ACAP2: variants seen among roughly 807,000 people sequenced by gnomAD.
The protein encoded by ACAP2 is arf-GAP with coiled-coil, ANK repeat and PH domain-containing protein 2.
ACAP2 carries 39 observed loss-of-function variants against 115.8 expected under a neutral mutation model. The ratio of observed to expected loss-of-function variants is 0.34; its 90% CI spans 0.26 to 0.44. The LOEUF (loss-of-function observed/expected upper bound fraction) is 0.44, where lower values mean the gene tolerates loss of function less well. ACAP2 is among the 20% of genes least tolerant of loss of function. The probability of loss-of-function intolerance (pLI) is 1.00; values close to 1 mark genes in which losing one functional copy is unlikely to be tolerated. For synonymous variants in ACAP2, 289 were observed against 315.8 expected (o/e 0.92, Z 0.90); for missense variants, 662 against 927.6 (o/e 0.71, Z 3.72).
chr3:195,378,410 C>T (rs1261728163), intron 4 of ACAP2, among the ~76,000 whole-genome samples: 3 of 151,782 alleles, frequency 2.0e-5, no homozygotes, highest in Middle Eastern at 3.2e-3. Flanking sequence ...GAGAATCCCT[C>T]GAACCCAGGA....
chr3:195,317,798 T>C (rs1263918291), intron 10 of ACAP2, among the ~76,000 whole-genome samples: 2 of 152,144 alleles, frequency 1.3e-5, no homozygotes, highest in Admixed American at 6.6e-5. Context: ...TTCCTAAAAC[T>C]CCTGTTTTAT....
intron 1 of ACAP2, among the ~76,000 whole-genome samples, chr3:195,408,809 C>T (rs1713002870): frequency 6.6e-6 from 1 of 152,034 alleles, no homozygotes; most frequent in South Asian, 2.1e-4. Flanking sequence ...GAAGAAAAAA[C>T]AATGTACTAT....
intron 8 of ACAP2, among the ~76,000 whole-genome samples, chr3:195,329,069 G>C (rs1730000453): frequency 7.4e-6 from 1 of 135,890 alleles, no homozygotes; most frequent in African/African-American, 2.7e-5. Flanking sequence ...AACAGAGTGA[G>C]ACTCCGTCTC....
intron 4 of ACAP2, among the ~76,000 whole-genome samples, chr3:195,348,287 T>A (rs1415602261): frequency 6.6e-6 from 1 of 151,422 alleles, no homozygotes; most frequent in Non-Finnish European, 1.5e-5. Flanking sequence ...ATGGCACACA[T>A]ACCTTAAAAA....
chr3:195,412,042 G>A (rs114147351), intron 1 of ACAP2, among the ~76,000 whole-genome samples: 1,523 of 151,118 alleles, frequency 0.01, 11 homozygotes, highest in Non-Finnish European at 0.016. Context: ...TAAGAATTGG[G>A]GGCTGGGTGC....
intron 1 of ACAP2, chr3:195,442,336 T>TA (rs1427645151): frequency 6.0e-6 from 1 of 166,942 alleles, no homozygotes; most frequent in Non-Finnish European, 1.3e-5. Flanking sequence ...AAAGAGGAAC[T>TA]AAATGAACTG....
At chr3:195,362,816 T>C (rs1299465515) in intron 4 of ACAP2, among the ~76,000 whole-genome samples, 1 of 152,104 alleles carries the variant, frequency 6.6e-6, no homozygotes, top group Non-Finnish European at 1.5e-5. Context: ...CTCAACATAA[T>C]AAAGCCCATA....
chr3:195,401,893 G>A (rs899478840), intron 1 of ACAP2, among the ~76,000 whole-genome samples: 1 of 152,086 alleles, frequency 6.6e-6, no homozygotes, highest in South Asian at 2.1e-4. Flanking sequence ...TCTGTAAAGA[G>A]GAAGCTGAAT....
At chr3:195,289,804 A>G (rs1382186233) in intron 20 of ACAP2, among the ~76,000 whole-genome samples, 207 of 9,154 alleles carry the variant, frequency 0.023, no homozygotes, top group African/African-American at 0.038. Flanking sequence ...ACTCCGTCTC[A>G]AAAAAAAAAA....
intron 1 of ACAP2, among the ~76,000 whole-genome samples, chr3:195,436,934 C>T (rs1715587512): frequency 6.6e-6 from 1 of 152,052 alleles, no homozygotes; most frequent in African/African-American, 2.4e-5. Flanking sequence ...TATAAAATGA[C>T]AGAAAAATAT....
intron 17 of ACAP2, chr3:195,295,284 G>C: frequency 7.7e-7 from 1 of 1,292,018 alleles, no homozygotes; most frequent in Non-Finnish European, 1.0e-6. Flanking sequence ...TGGCCTCGTC[G>C]CTATTTACAG....
chr3:195,338,170 CT>C lies in ACAP2; in HGVS notation c.529-1195del, dbSNP rs776902106. Reference sequence around the variant, plus strand: ...AACATTTATAACTACCTTATATTTTCTGATTTGTGTCTTCTCCCTAACCGAA... The same window carrying C: ...AACATTTATAACTACCTTATATTTTCGATTTGTGTCTTCTCCCTAACCGAA... On this transcript the variant is annotated intron_variant, in intron 6 of 22. Coordinates refer to ENST00000326793, the MANE Select transcript of ACAP2 (RefSeq NM_012287.6). 2.6e-5 allele frequency among the ~76,000 whole-genome samples: 4 copies of C among 152,200 alleles called. No homozygotes were observed. In the South Asian group the frequency reaches 6.2e-4, roughly 24 times the overall value.
intron 4 of ACAP2, among the ~76,000 whole-genome samples, chr3:195,369,112 G>A (rs1327426995): frequency 6.6e-5 from 10 of 151,150 alleles, no homozygotes; most frequent in Admixed American, 6.6e-4. Flanking sequence ...AAAAAAAGAG[G>A]AAGAAATTAA....
At chr3:195,420,741 C>T (rs903443918) in intron 1 of ACAP2, among the ~76,000 whole-genome samples, 3 of 152,044 alleles carry the variant, frequency 2.0e-5, no homozygotes, top group African/African-American at 7.2e-5. Flanking sequence ...CTCCCAGGTT[C>T]AAGTGATTCT....
intron 4 of ACAP2, among the ~76,000 whole-genome samples, chr3:195,349,216 T>A (rs1255457031): frequency 6.6e-6 from 1 of 151,814 alleles, no homozygotes; most frequent in African/African-American, 2.4e-5. Context: ...GCGCTGTGGC[T>A]CACGCCTGTA....
At chr3:195,395,701 C>G (rs1048468920) in intron 1 of ACAP2, among the ~76,000 whole-genome samples, 2 of 152,082 alleles carry the variant, frequency 1.3e-5, no homozygotes, top group African/African-American at 2.4e-5. Flanking sequence ...CTATCTGGCC[C>G]TTTACAGAAA....
At chr3:195,302,531 T>C (rs1385580572) in intron 13 of ACAP2, among the ~76,000 whole-genome samples, 1 of 152,112 alleles carries the variant, frequency 6.6e-6, no homozygotes, top group Non-Finnish European at 1.5e-5. Context: ...ATAAATATTA[T>C]TGTTTTATAC....
In ACAP2 at chr3:195,292,472, A is replaced by C. The variant is rs773135769; in HGVS notation, c.1766-20T>G. 48 of 1,565,976 alleles carry C rather than the reference A, an allele frequency of 3.1e-5. No individual in the cohort carries two copies. The highest frequency in any genetic ancestry group is 3.9e-5 in the Non-Finnish European group (45 of 1,162,308). ...CTCCTTCTGAAAAGCAAACACATAC[A>C]CATCAATAAAAATGAGCTCTTGGCA... On this transcript the variant is annotated intron_variant, in intron 18 of 22. Transcript: ENST00000326793.
intron 1 of ACAP2, among the ~76,000 whole-genome samples, chr3:195,403,963 A>T (rs1712529891): frequency 6.6e-6 from 1 of 152,210 alleles, no homozygotes; most frequent in South Asian, 2.1e-4. Flanking sequence ...GAGATGACTT[A>T]AGCTTTGGGG....
Sources: allele counts gnomAD v4.1 joint callset (sites outside exome capture counted in the v4.1 genomes callset), GRCh38; gene constraint gnomAD v4.1.1; transcripts MANE v1.5; gene names NCBI Gene and HGNC (gene_info 2026-07-23, HGNC 2026-07-21).